Variants in GNAI1 observed in about 807,000 individuals in gnomAD.
The protein encoded by GNAI1 is G protein subunit alpha i1.
A neutral mutation model predicts 38.9 loss-of-function variants in GNAI1; 11 were observed. The observed-to-expected ratio is 0.28, with a 90% CI of 0.18 to 0.47. The LOEUF (loss-of-function observed/expected upper bound fraction) is 0.47. GNAI1 is among the 20% of genes least tolerant of loss of function. GNAI1 has a pLI of 0.99. For missense variants in GNAI1, 317 were observed against 436.9 expected, an observed-to-expected ratio of 0.73 and a Z score of 2.45; for synonymous variants, 166 against 145.1, an observed-to-expected ratio of 1.14 and a Z score of -1.04.
chr7:80,135,265 G>A lies in GNAI1; in HGVS notation c.105G>A (p.Lys35=), dbSNP rs1035649714. The A allele has an allele frequency of 2.0e-6, 3 of 1,504,892 alleles. No individual in the cohort carries two copies. The highest frequency in any genetic ancestry group is 1.4e-5 in the African/African-American group (1 of 69,550). The allele number at this position is 1,504,892 out of a possible 1,614,324, so 93.2% of individuals were successfully genotyped here. Reference sequence around the variant, plus strand: ...GCGAGAAGGCGGCGCGCGAGGTCAAGCTGCTGCTGCTCGGTAAGGGCGGCC... The same window carrying A: ...GCGAGAAGGCGGCGCGCGAGGTCAAACTGCTGCTGCTCGGTAAGGGCGGCC... The part of the protein sequence containing the change: ...EDGEKAAREV[K]LLLLGAGESG... Residue 35 remains lysine (K), a synonymous_variant, in exon 1 of 8, where the codon AAG becomes AAA. Transcript: ENST00000649796.
intron 4 of GNAI1, among the ~76,000 whole-genome samples, chr7:80,202,450 G>A (rs1048908605): frequency 2.6e-5 from 4 of 152,128 alleles, no homozygotes; most frequent in African/African-American, 9.7e-5. Context: ...AATAAGAGTA[G>A]CTCATTATTT....
rs750850710 is a variant in GNAI1 at position 80,223,685 on chromosome 7, A to C, written c.*6192A>C. On this transcript the variant is annotated 3_prime_UTR_variant, in exon 8 of 8. Transcript: ENST00000649796. ...GACTCACTTTGCAGCATTCAATTTT[A>C]GTATAACATGTTTTCCTGTTTACAA... Among the ~76,000 whole-genome samples, 1 of 152,214 alleles carries C rather than the reference A, an allele frequency of 6.6e-6. No homozygotes were observed. Among genetic ancestry groups the C allele is most frequent in the Non-Finnish European group, 1.5e-5 (1 of 68,028 alleles).
At chr7:80,178,934 T>C (rs543830672) in intron 1 of GNAI1, among the ~76,000 whole-genome samples, 35 of 152,336 alleles carry the variant, frequency 2.3e-4, no homozygotes, top group African/African-American at 8.4e-4. Flanking sequence ...TAAATGTTAT[T>C]GAATGATCCA....
chr7:80,176,782 A>G (rs1199240276), intron 1 of GNAI1, among the ~76,000 whole-genome samples: 1 of 151,594 alleles, frequency 6.6e-6, no homozygotes, highest in Non-Finnish European at 1.5e-5. Context: ...TACTAAAAAT[A>G]TAAAAATTAG....
chr7:80,176,711 C>T (rs10257372), intron 1 of GNAI1, among the ~76,000 whole-genome samples: 52,192 of 151,642 alleles, frequency 0.34, 9,550 homozygotes, highest in African/African-American at 0.47. Context: ...CCAAGGCGGG[C>T]AGATCACCTG....
At chr7:80,155,609 CAGTG>C (rs1309524102) in intron 1 of GNAI1, among the ~76,000 whole-genome samples, 2 of 152,016 alleles carry the variant, frequency 1.3e-5, no homozygotes, top group Non-Finnish European at 2.9e-5. Context: ...GTGTCAAAGT[CAGTG>C]AGTAGGCTGG....
intron 5 of GNAI1, among the ~76,000 whole-genome samples, chr7:80,205,327 TTAACCC>T (rs1229435101): frequency 6.6e-6 from 1 of 152,126 alleles, no homozygotes; most frequent in Non-Finnish European, 1.5e-5. Flanking sequence ...TGTTTTTTTT[TTAACCC>T]AACAAGGTTA....
At chr7:80,194,683 T>C (rs1190441766) in intron 3 of GNAI1, among the ~76,000 whole-genome samples, 1 of 152,108 alleles carries the variant, frequency 6.6e-6, no homozygotes, top group African/African-American at 2.4e-5. Context: ...GGTGGCTATC[T>C]AATTATCACC....
Position 80,212,708 on chromosome 7 carries a change from T to A in GNAI1, c.721-8T>A, listed in dbSNP as rs1788895457. 1 of 1,484,628 alleles carries A rather than the reference T, an allele frequency of 6.7e-7. No homozygotes were observed. Among genetic ancestry groups the A allele is most frequent in the Admixed American group, 2.7e-5 (1 of 36,928 alleles). The allele number at this position is 1,484,628 out of a possible 1,614,324, so 92.0% of individuals were successfully genotyped here. On this transcript the variant is annotated splice_region_variant and splice_polypyrimidine_tract_variant and intron_variant, in intron 6 of 7. Coordinates refer to ENST00000649796, the MANE Select transcript of GNAI1 (RefSeq NM_002069.6). ...AGTGACGATTGGTTTTATTTTTTTC[T>A]ATTACAGAACCGAATGCATGAAAGC...
At chr7:80,212,654 T>A in intron 6 of GNAI1, 62 bp from the exon 7 acceptor site, 1 of 1,001,826 alleles carries the variant, frequency 1.0e-6, no homozygotes, top group Non-Finnish European at 1.4e-6. Context: ...TTTTATTTTT[T>A]AAAATAGTCC....
intron 3 of GNAI1, among the ~76,000 whole-genome samples, chr7:80,193,544 T>C (rs1788516941): frequency 6.6e-6 from 1 of 152,196 alleles, no homozygotes. Context: ...ATTTAGGTGA[T>C]TATGTTTCTA....
intron 1 of GNAI1, among the ~76,000 whole-genome samples, chr7:80,168,528 C>T (rs1340666506): frequency 1.3e-5 from 2 of 152,126 alleles, no homozygotes; most frequent in Non-Finnish European, 2.9e-5. Context: ...GCTGGGACTA[C>T]AGGTGCCCGC....
Position 80,221,603 on chromosome 7 carries a change from G to A in GNAI1, c.*4110G>A, listed in dbSNP as rs1789075241. Among the ~76,000 whole-genome samples the A allele has an allele frequency of 6.8e-6, 1 of 146,886 alleles. No individual in the cohort carries two copies. Among genetic ancestry groups the A allele is most frequent in the South Asian group, 2.2e-4 (1 of 4,520 alleles). On this transcript the variant is annotated 3_prime_UTR_variant, in exon 8 of 8. Coordinates refer to ENST00000649796, the MANE Select transcript of GNAI1 (RefSeq NM_002069.6). ...TTTTAATGTAACCAATAGTATGAGA[G>A]AGTTTATATTTTAATGTTAGGTTGG...
intron 3 of GNAI1, among the ~76,000 whole-genome samples, chr7:80,197,521 TAGAA>T (rs1040928806): frequency 1.4e-4 from 21 of 152,164 alleles, no homozygotes; most frequent in Admixed American, 7.9e-4. Flanking sequence ...TTTTCTAAAA[TAGAA>T]AGGTTATATT....
chr7:80,191,635 G>A (rs535106384), intron 3 of GNAI1, among the ~76,000 whole-genome samples: 24 of 152,074 alleles, frequency 1.6e-4, no homozygotes, highest in Non-Finnish European at 2.8e-4. Flanking sequence ...CAAGTAATCC[G>A]CCCACCTCGG....
chr7:80,168,548 C>T (rs1000469459), intron 1 of GNAI1, among the ~76,000 whole-genome samples: 11 of 152,104 alleles, frequency 7.2e-5, no homozygotes, highest in Admixed American at 3.9e-4. Flanking sequence ...CCACCACGCC[C>T]GGCTAATTTT....
intron 4 of GNAI1, among the ~76,000 whole-genome samples, chr7:80,202,620 G>C (rs1428753494): frequency 1.3e-5 from 2 of 152,050 alleles, no homozygotes; most frequent in Non-Finnish European, 2.9e-5. Flanking sequence ...ATACAATACA[G>C]GTAACTCAGG....
intron 1 of GNAI1, among the ~76,000 whole-genome samples, chr7:80,154,541 T>C (rs1366362772): frequency 6.6e-6 from 1 of 152,190 alleles, no homozygotes; most frequent in Non-Finnish European, 1.5e-5. Flanking sequence ...CAGACTGAAG[T>C]TATCTGGGGC....
In GNAI1 at chr7:80,135,138, G is replaced by A; in HGVS notation, c.-23G>A. On this transcript the variant is annotated 5_prime_UTR_variant, in exon 1 of 8. Transcript: ENST00000649796. ...CGCACTCGGGCGCGGAGGGAGCGGC[G>A]GCAGGCTCTCGCTTTCGGCACCATG... 6.9e-7 allele frequency: 1 copy of A among 1,458,658 alleles called. No homozygotes were observed. The allele number at this position is 1,458,658 out of a possible 1,614,324, so 90.4% of individuals were successfully genotyped here. A position where few individuals can be genotyped will look rare whatever the true frequency, so the allele number is the denominator to read the frequency against.
Sources: gnomAD v4.1 joint callset for allele counts (sites outside exome capture counted in the v4.1 genomes callset) on GRCh38, gnomAD v4.1.1 for gene constraint, MANE v1.5 for transcripts, NCBI Gene and HGNC (gene_info 2026-07-23, HGNC 2026-07-21) for gene names.